VCAN: variants seen among roughly 807,000 people sequenced by gnomAD.
VCAN encodes versican.
VCAN carries 44 observed loss-of-function variants against 245.5 expected under a neutral mutation model. That is an observed-to-expected ratio of 0.18 (90% confidence interval 0.14 to 0.23). The LOEUF (loss-of-function observed/expected upper bound fraction) is 0.23. Ranked by LOEUF, VCAN falls within the 10% of genes least tolerant of loss-of-function variation. VCAN has a pLI of 1.00. For missense variants in VCAN, 3,793 were observed against 4,057.9 expected (o/e 0.93, Z 1.77); for synonymous variants, 1,413 against 1,437.0 (o/e 0.98, Z 0.38).
At chr5:83,551,267 C>G (rs913794149) in intron 10 of VCAN, among the ~76,000 whole-genome samples, 1 of 151,914 alleles carries the variant, frequency 6.6e-6, no homozygotes, top group African/African-American at 2.4e-5. Context: ...TCCCAGCACT[C>G]TGGGAGGCCA....
intron 3 of VCAN, among the ~76,000 whole-genome samples, chr5:83,491,060 G>C (rs1744966399): frequency 6.6e-6 from 1 of 152,148 alleles, no homozygotes; most frequent in African/African-American, 2.4e-5. Context: ...CGATCAAACA[G>C]AAATTTAGTA....
Position 83,539,967 on chromosome 5 carries a change from G to C in VCAN, c.6964G>C (p.Glu2322Gln), listed in dbSNP as rs749020410. The C allele has an allele frequency of 1.9e-6, 3 of 1,613,994 alleles. No individual in the cohort carries two copies. Among genetic ancestry groups the C allele is most frequent in the Non-Finnish European group, 2.5e-6 (3 of 1,180,006 alleles). Residue 2322 changes from glutamate (E) to glutamine (Q), a missense_variant, in exon 8 of 15, where the codon GAA (glutamate) becomes CAA (glutamine). By Grantham distance (29) the Glu-to-Gln change is conservative. Coordinates refer to ENST00000265077, the MANE Select transcript of VCAN (RefSeq NM_004385.5). The stretch of plus-strand genomic sequence containing the variant: ...ACTCGTATCTCAAACAGACATCTTT[G>C]AAGGTAGTGGGTCAGTAACCAGCAC... ...GPLVSQTDIFEGSGSVTSTTL... is the reference protein window; with the variant it reads ...GPLVSQTDIFQGSGSVTSTTL...
chr5:83,537,359 T>C lies in VCAN; in HGVS notation c.4356T>C (p.His1452=). Residue 1452 remains histidine, a synonymous_variant, in exon 8 of 15, where the codon CAT becomes CAC. Coordinates refer to ENST00000265077, the MANE Select transcript of VCAN (RefSeq NM_004385.5). The part of the protein sequence containing the change: ...NFSDSSESDT[H]PFVIAKTELS... ...CGGACAGCTCTGAAAGTGATACTCA[T>C]CCATTTGTAATAGCCAAAACGGAAT... 1.2e-6 allele frequency: 2 copies of C among 1,614,004 alleles called. No individual in the cohort carries two copies. The highest frequency in any genetic ancestry group is 2.2e-5 in the South Asian group (2 of 91,082).
At chr5:83,481,758 A>G (rs1415641559) in intron 1 of VCAN, among the ~76,000 whole-genome samples, 1 of 152,212 alleles carries the variant, frequency 6.6e-6, no homozygotes, top group Admixed American at 6.5e-5. Flanking sequence ...ATAGAATTTA[A>G]AAATTTTGTT....
At chr5:83,474,530 C>T (rs1297498122) in intron 1 of VCAN, among the ~76,000 whole-genome samples, 1 of 152,246 alleles carries the variant, frequency 6.6e-6, no homozygotes, top group African/African-American at 2.4e-5. Context: ...TCGCTCACCT[C>T]GCGCCAAGGG....
At chr5:83,511,829 A>C (rs1271482018) in intron 5 of VCAN, among the ~76,000 whole-genome samples, 3 of 152,202 alleles carry the variant, frequency 2.0e-5, no homozygotes, top group African/African-American at 7.2e-5. Flanking sequence ...TGTATTATAA[A>C]ATGTTATTAA....
At chr5:83,553,263 T>C in intron 10 of VCAN, 101 bp from the exon 11 acceptor site, 2 of 1,484,626 alleles carry the variant, frequency 1.3e-6, no homozygotes, top group Non-Finnish European at 1.9e-6. Context: ...TCAGGGACAT[T>C]GCACAGATAC....
chr5:83,521,012 T>C lies in VCAN; in HGVS notation c.2706T>C (p.Thr902=), dbSNP rs2112410660. The change falls in exon 7 of 15, where the codon ACT becomes ACC. Residue 902 remains threonine (T), a synonymous_variant. Coordinates refer to ENST00000265077, the MANE Select transcript of VCAN (RefSeq NM_004385.5). ...AGTCAACTTTGAGAGATTCTACAACTGAAGAAAAAGTTCCACCTATCACAA... is the reference window on the plus strand; with the variant it reads ...AGTCAACTTTGAGAGATTCTACAACCGAAGAAAAAGTTCCACCTATCACAA... ...AEKSTLRDST[T]EEKVPPITST... 1.2e-6 allele frequency: 2 copies of C among 1,613,558 alleles called. No homozygotes were observed. Among genetic ancestry groups the C allele is most frequent in the Admixed American group, 1.7e-5 (1 of 59,920 alleles).
Position 83,538,116 on chromosome 5 carries a change from T to G in VCAN, c.5113T>G (p.Phe1705Val). Residue 1705 changes from phenylalanine to valine, a missense_variant, in exon 8 of 15, where the codon TTT becomes GTT. Transcript: ENST00000265077. ...TTCTGCAAAAGTGGTGCCTACCAAG[T>G]TTGTAAGTGAAACAGACACTTCTGA... The part of the protein sequence containing the change: ...QPSAKVVPTK[F>V]VSETDTSEWI... The G allele has an allele frequency of 6.2e-7, 1 of 1,614,010 alleles. No individual in the cohort carries two copies. Among genetic ancestry groups the G allele is most frequent in the Non-Finnish European group, 8.5e-7 (1 of 1,179,950 alleles).
At position 83,540,444 on chromosome 5, in the gene VCAN, G is replaced by A; in HGVS notation, c.7441G>A (p.Gly2481Arg). The change falls in exon 8 of 15, where the codon GGA becomes AGA. Residue 2481 changes from glycine to arginine, a missense_variant. By Grantham distance (125) the Gly-to-Arg change is moderately radical. This residue lies in a region of VCAN where 3,182 missense variants were observed against 3,250.3 expected (regional missense o/e 0.98). Coordinates refer to ENST00000265077, the MANE Select transcript of VCAN (RefSeq NM_004385.5). ...VPSAKAVTAD[G>R]FPTVSVMLPL... The stretch of plus-strand genomic sequence containing the variant: ...AAGCGCTAAAGCTGTTACTGCTGAT[G>A]GATTCCCAACAGTTTCAGTGATGCT... The A allele has an allele frequency of 6.2e-7, 1 of 1,613,942 alleles. No homozygotes were observed. Among genetic ancestry groups the A allele is most frequent in the Non-Finnish European group, 8.5e-7 (1 of 1,179,946 alleles).
chr5:83,519,407 A>G lies in VCAN; in HGVS notation c.1101A>G (p.Leu367=), dbSNP rs780264351. The G allele has an allele frequency of 3.1e-6, 5 of 1,614,150 alleles. No individual in the cohort carries two copies. The highest frequency in any genetic ancestry group is 1.7e-5 in the Admixed American group (1 of 60,032). The change falls in exon 7 of 15, where the codon TTA becomes TTG. Residue 367 remains leucine (L), a synonymous_variant. Transcript: ENST00000265077. ...TCGCAGAAACTGCATCACCCAGTTT[A>G]TCCAAAGAACCACAAATGGTTTCTG... ...SILAETASPS[L]SKEPQMVSDR...
At chr5:83,568,789 ATAAG>A (rs1748177228) in intron 12 of VCAN, among the ~76,000 whole-genome samples, 1 of 152,332 alleles carries the variant, frequency 6.6e-6, no homozygotes, top group East Asian at 1.9e-4. Context: ...GGAAAATATC[ATAAG>A]TAAGAATATA....
In VCAN at chr5:83,542,278, C is replaced by A. The variant is rs1747036841; in HGVS notation, c.9265+10C>A. The A allele has an allele frequency of 6.2e-7, 1 of 1,609,884 alleles. No homozygotes were observed. Among genetic ancestry groups the A allele is most frequent in the Non-Finnish European group, 8.5e-7 (1 of 1,179,134 alleles). Reference sequence around the variant, plus strand: ...GCAATCTATTTACCAGGTAAGATCACAACATTGATAAATCTGTTTCCAAAC... The same window carrying A: ...GCAATCTATTTACCAGGTAAGATCAAAACATTGATAAATCTGTTTCCAAAC... On this transcript the variant is annotated intron_variant, in intron 8 of 14. Transcript: ENST00000265077.
intron 8 of VCAN, 49 bp downstream of exon 8, chr5:83,542,317 C>T (rs1329771792): frequency 6.4e-7 from 1 of 1,568,468 alleles, no homozygotes; most frequent in Non-Finnish European, 8.7e-7. Flanking sequence ...GAAACAGTCC[C>T]TTGGTGCTAA....
At chr5:83,499,056 G>A (rs986839196) in intron 5 of VCAN, among the ~76,000 whole-genome samples, 1 of 151,896 alleles carries the variant, frequency 6.6e-6, no homozygotes, top group African/African-American at 2.4e-5. Context: ...TTGCAAGTCT[G>A]CTCTGTTCCT....
At chr5:83,517,246 C>T (rs572140479) in intron 6 of VCAN, among the ~76,000 whole-genome samples, 1 of 152,198 alleles carries the variant, frequency 6.6e-6, no homozygotes, top group East Asian at 1.9e-4. Flanking sequence ...ATTTTCATAG[C>T]ATTGTAGAAA....
chr5:83,499,183 T>C (rs1745256643), intron 5 of VCAN, among the ~76,000 whole-genome samples: 1 of 152,118 alleles, frequency 6.6e-6, no homozygotes, highest in African/African-American at 2.4e-5. Flanking sequence ...ATTTCTTGAC[T>C]CTGAACTTCT....
intron 13 of VCAN, among the ~76,000 whole-genome samples, chr5:83,575,484 A>T (rs190277696): frequency 1.3e-5 from 2 of 152,154 alleles, no homozygotes; most frequent in Admixed American, 6.6e-5. Context: ...TGGTCCCTGG[A>T]GTCATACTTT....
rs142096101 is a variant in VCAN at position 83,577,522 on chromosome 5, T to G, written c.9881-2458T>G. ...TAGCAGATTCTGGAATATGCCCAAA[T>G]TTGTGGTGTGTCTTCCCAGGTAGAT... On this transcript the variant is annotated intron_variant, in intron 13 of 14. Transcript: ENST00000265077. Among the ~76,000 whole-genome samples the G allele has an allele frequency of 4.6e-3, 694 of 152,294 alleles. 29 individuals are homozygous for G. Among genetic ancestry groups the G allele is most frequent in the Admixed American group, 0.041 (625 of 15,290 alleles).
Sources: gnomAD v4.1 joint callset for allele counts (sites outside exome capture counted in the v4.1 genomes callset) on GRCh38, gnomAD v4.1.1 for gene constraint, gnomAD v4.1.1 regional missense constraint, MANE v1.5 for transcripts, NCBI Gene and HGNC (gene_info 2026-07-23, HGNC 2026-07-21) for gene names.